The following UTP20 variants were observed in gnomAD, a reference collection of about 807,000 sequenced individuals.
The protein encoded by UTP20 is small subunit processome component 20 homolog.
UTP20 carries 164 observed loss-of-function variants against 329.5 expected under a neutral mutation model. The observed-to-expected ratio is 0.50, with a 90% CI of 0.44 to 0.57. The LOEUF is 0.57. Ranked by LOEUF, UTP20 falls within the 20% of genes least tolerant of loss-of-function variation. The pLI is 0.00. For missense variants in UTP20, 3,055 were observed against 3,284.2 expected, an observed-to-expected ratio of 0.93 and a Z score of 1.71; for synonymous variants, 1,151 against 1,159.3, an observed-to-expected ratio of 0.99 and a Z score of 0.14.
chr12:101,349,285 G>T (rs1489614472), intron 38 of UTP20, among the ~76,000 whole-genome samples: 1 of 151,232 alleles, frequency 6.6e-6, no homozygotes, highest in African/African-American at 2.4e-5. Flanking sequence ...TTTACCTTTG[G>T]TTTTAAGCCA....
intron 36 of UTP20, among the ~76,000 whole-genome samples, chr12:101,345,188 C>T (rs2120945551): frequency 6.6e-6 from 1 of 152,022 alleles, no homozygotes; most frequent in East Asian, 1.9e-4. Flanking sequence ...TCAAGTGATC[C>T]ACCTGCCTTG....
At chr12:101,300,700 C>A (rs149002523) in intron 14 of UTP20, among the ~76,000 whole-genome samples, 10 of 152,204 alleles carry the variant, frequency 6.6e-5, no homozygotes, top group Admixed American at 1.3e-4. Flanking sequence ...TATTCTAATG[C>A]AAAATTTTTT....
At chr12:101,303,883 C>A (rs778653584) in intron 15 of UTP20, among the ~76,000 whole-genome samples, 1 of 152,222 alleles carries the variant, frequency 6.6e-6, no homozygotes, top group Non-Finnish European at 1.5e-5. Context: ...TTTAAATTAA[C>A]TTCCTGTAGA....
chr12:101,302,441 C>T lies in UTP20; in HGVS notation c.1676-7C>T, dbSNP rs944740484. The T allele has an allele frequency of 2.6e-6, 4 of 1,557,558 alleles. No individual in the cohort carries two copies. In the African/African-American group the frequency reaches 4.1e-5, roughly 16 times the overall value. On this transcript the variant is annotated splice_polypyrimidine_tract_variant and splice_region_variant and intron_variant, in intron 14 of 61. Transcript: ENST00000261637. ...TAATGTGGTTTCTCCTGTTTTTCTG[C>T]CCTTAGGAAACTTATTTGTTCTTTG...
rs1830975313 is a variant in UTP20, at chr12:101,327,146, C to T, written c.3107C>T (p.Thr1036Ile). 6.2e-7 allele frequency: 1 copy of T among 1,613,030 alleles called. No individual in the cohort carries two copies. Among genetic ancestry groups the T allele is most frequent in the African/African-American group, 1.3e-5 (1 of 74,912 alleles). The change falls in exon 26 of 62, where the codon ACC becomes ATC. Residue 1036 changes from threonine to isoleucine, a missense_variant. Physicochemically the swap from Thr to Ile is moderately conservative, Grantham distance 89 (BLOSUM62 -1). Coordinates refer to ENST00000261637, the MANE Select transcript of UTP20 (RefSeq NM_014503.3). Reference protein sequence around the residue: ...SKTQGKSASGTRMAIVLRFLA... With the variant: ...SKTQGKSASGIRMAIVLRFLA... ...ACTCAGGGGAAATCTGCTTCAGGCACCCGCATGGCCATTGTCCTGCGGTTC... is the reference window on the plus strand; with the variant it reads ...ACTCAGGGGAAATCTGCTTCAGGCATCCGCATGGCCATTGTCCTGCGGTTC...
chr12:101,355,816 A>T (rs1394635424), intron 41 of UTP20, among the ~76,000 whole-genome samples: 2 of 152,106 alleles, frequency 1.3e-5, no homozygotes, highest in African/African-American at 4.8e-5. Flanking sequence ...TGTAATACAA[A>T]TTTATATATT....
intron 57 of UTP20, among the ~76,000 whole-genome samples, chr12:101,379,790 T>C (rs1470699401): frequency 1.3e-5 from 2 of 152,134 alleles, no homozygotes; most frequent in Non-Finnish European, 1.5e-5. Flanking sequence ...TTTGCTTATT[T>C]AGCATGCCCA....
intron 40 of UTP20, among the ~76,000 whole-genome samples, chr12:101,354,261 CAAAAAAA>C (rs71091489): frequency 1.5e-4 from 12 of 80,010 alleles, no homozygotes; most frequent in African/African-American, 4.2e-4. Flanking sequence ...GACTCTGTCT[CAAAAAAA>C]AAAAAAAAAA....
At chr12:101,378,370 A>G (rs1593456240) in intron 56 of UTP20, among the ~76,000 whole-genome samples, 1 of 152,192 alleles carries the variant, frequency 6.6e-6, no homozygotes, top group Non-Finnish European at 1.5e-5. Context: ...GGAGCCACCA[A>G]TTCTACTGAT....
chr12:101,374,682 G>A (rs1870413895), intron 54 of UTP20, 126 bp from the exon 55 acceptor site: 2 of 610,336 alleles, frequency 3.3e-6, no homozygotes, highest in Non-Finnish European at 5.7e-6. Context: ...ACTGATTTCT[G>A]GCATCAGAAA....
At chr12:101,370,935 T>C in intron 50 of UTP20, 123 bp from the exon 51 acceptor site, 1 of 790,680 alleles carries the variant, frequency 1.3e-6, no homozygotes, top group Non-Finnish European at 2.0e-6. Context: ...GTCTATCCTT[T>C]TTCTTTTGAA....
At chr12:101,306,853 C>T in intron 17 of UTP20, 92 bp downstream of exon 17, 1 of 1,268,938 alleles carries the variant, frequency 7.9e-7, no homozygotes, top group Non-Finnish European at 1.1e-6. Flanking sequence ...AGAAAATTAA[C>T]ACACTATATA....
intron 19 of UTP20, among the ~76,000 whole-genome samples, chr12:101,310,510 G>A (rs2137251621): frequency 6.8e-6 from 1 of 147,198 alleles, no homozygotes; most frequent in East Asian, 2.1e-4. Context: ...GGGAGGTGGA[G>A]GCTGTGGTGA....
intron 2 of UTP20, among the ~76,000 whole-genome samples, chr12:101,283,508 C>T (rs564900586): frequency 1.1e-4 from 16 of 152,256 alleles, no homozygotes; most frequent in East Asian, 1.9e-4. Context: ...AAACAGACTC[C>T]GTCTCTTGGT....
intron 42 of UTP20, 109 bp from the exon 43 acceptor site, chr12:101,356,817 T>C: frequency 1.4e-6 from 2 of 1,476,582 alleles, no homozygotes; most frequent in South Asian, 1.4e-5. Context: ...TGGTTTCGAA[T>C]ATTAACAGGA....
At chr12:101,340,287 A>G (rs892029332) in intron 31 of UTP20, among the ~76,000 whole-genome samples, 25 of 152,334 alleles carry the variant, frequency 1.6e-4, no homozygotes, top group Middle Eastern at 3.4e-3. Flanking sequence ...CCACACAATC[A>G]GATATTGCAA....
intron 16 of UTP20, 57 bp downstream of exon 16, chr12:101,306,122 A>G (rs1872637113): frequency 4.4e-5 from 65 of 1,482,248 alleles, no homozygotes; most frequent in Non-Finnish European, 5.8e-5. Flanking sequence ...TTCTATATGG[A>G]CTGCAGTGGT....
At chr12:101,367,156 G>A (rs892746767) in intron 47 of UTP20, among the ~76,000 whole-genome samples, 1 of 151,862 alleles carries the variant, frequency 6.6e-6, no homozygotes, top group African/African-American at 2.4e-5. Context: ...ATGATGGCAC[G>A]TACCTGTAGT....
chr12:101,299,246 T>A (rs1872451496), intron 12 of UTP20, among the ~76,000 whole-genome samples: 1 of 152,236 alleles, frequency 6.6e-6, no homozygotes, highest in South Asian at 2.1e-4. Flanking sequence ...ATTACTTATA[T>A]GTCATAATCA....
Sources: allele counts gnomAD v4.1 joint callset (sites outside exome capture counted in the v4.1 genomes callset), GRCh38; gene constraint gnomAD v4.1.1; transcripts MANE v1.5; gene names NCBI Gene and HGNC (gene_info 2026-07-23, HGNC 2026-07-21).